The following DIP2C variants were observed in gnomAD, a reference collection of about 807,000 sequenced individuals.
DIP2C encodes the protein DIP2 acetate--CoA ligase C (putative).
DIP2C carries 33 observed loss-of-function variants against 192.4 expected under a neutral mutation model. The observed-to-expected ratio is 0.17, with a 90% CI of 0.13 to 0.23. The LOEUF (loss-of-function observed/expected upper bound fraction) is 0.23. DIP2C is among the 10% of genes least tolerant of loss of function. The pLI is 1.00. For synonymous variants in DIP2C, 979 were observed against 864.1 expected (o/e 1.13, Z -2.33); for missense variants, 1,537 against 2,110.1 (o/e 0.73, Z 5.32).
intron 1 of DIP2C, among the ~76,000 whole-genome samples, chr10:681,877 C>T (rs183052680): frequency 2.0e-5 from 3 of 152,346 alleles, no homozygotes; most frequent in Non-Finnish European, 2.9e-5. Flanking sequence ...GGTCCCTGTT[C>T]GGCAACTGTG....
Position 297,232 on chromosome 10 carries a change from C to A in DIP2C, c.3987-8811G>T, listed in dbSNP as rs868154845. Reference sequence around the variant, plus strand: ...CAAAACAAAACCAACCCCCCCCCACCCCACCACATACACACACACACACAC... The same window carrying A: ...CAAAACAAAACCAACCCCCCCCCACACCACCACATACACACACACACACAC... On this transcript the variant is annotated intron_variant, in intron 32 of 36. Transcript: ENST00000280886. Among the ~76,000 whole-genome samples the A allele has an allele frequency of 9.8e-5, 10 of 102,438 alleles. No homozygotes were observed. The East Asian group carries it at 2.6e-3, about 27-fold the overall frequency. The allele number at this position is 102,438 out of a possible 152,430, so 67.2% of individuals were successfully genotyped here. A position where few individuals can be genotyped will look rare whatever the true frequency, so the allele number is the denominator to read the frequency against.
chr10:498,450 GGAGATGCTT>G (rs1349029443), intron 1 of DIP2C, among the ~76,000 whole-genome samples: 2 of 152,176 alleles, frequency 1.3e-5, no homozygotes, highest in East Asian at 3.9e-4. Context: ...AGGCGCCAGT[GGAGATGCTT>G]GCCTCCCCTC....
At chr10:320,158 C>T (rs1232947402) in intron 31 of DIP2C, among the ~76,000 whole-genome samples, 1 of 152,058 alleles carries the variant, frequency 6.6e-6, no homozygotes, top group Admixed American at 6.6e-5. Flanking sequence ...TTCATCATGC[C>T]AAGTCATTTT....
At chr10:460,603 G>A (rs1969691724) in intron 3 of DIP2C, among the ~76,000 whole-genome samples, 4 of 152,130 alleles carry the variant, frequency 2.6e-5, no homozygotes, top group Admixed American at 2.0e-4. Context: ...TCATTGATGG[G>A]GAGAATGGAA....
intron 1 of DIP2C, among the ~76,000 whole-genome samples, chr10:498,505 G>C (rs1845012735): frequency 6.6e-6 from 1 of 152,212 alleles, no homozygotes; most frequent in Admixed American, 6.5e-5. Context: ...AGGACGTGTA[G>C]AACACAGCGC....
intron 28 of DIP2C, among the ~76,000 whole-genome samples, chr10:343,882 C>T (rs1485912874): frequency 6.6e-6 from 1 of 152,162 alleles, no homozygotes; most frequent in African/African-American, 2.4e-5. Context: ...ACAGCCCTGC[C>T]CTCAGGATCC....
chr10:472,593 A>C, intron 2 of DIP2C, 44 bp from the exon 3 acceptor site: 1 of 1,508,012 alleles, frequency 6.6e-7, no homozygotes, highest in East Asian at 2.3e-5. Context: ...GACTGTACTC[A>C]GCGGAGTCAG....
At chr10:564,769 C>T (rs1365308967) in intron 1 of DIP2C, among the ~76,000 whole-genome samples, 1 of 152,176 alleles carries the variant, frequency 6.6e-6, no homozygotes, top group African/African-American at 2.4e-5. Context: ...CTCGGCCGAA[C>T]ACACCAGCCA....
chr10:597,530 G>A (rs1479620792), intron 1 of DIP2C, among the ~76,000 whole-genome samples: 2 of 152,188 alleles, frequency 1.3e-5, no homozygotes, highest in African/African-American at 4.8e-5. Flanking sequence ...CCGAGGACAC[G>A]CTGGGCAGCA....
intron 4 of DIP2C, among the ~76,000 whole-genome samples, chr10:432,864 TAAAG>T (rs1436576875): frequency 6.6e-6 from 1 of 152,226 alleles, no homozygotes; most frequent in East Asian, 1.9e-4. Context: ...TTCAAAACTT[TAAAG>T]AAATCTTCAG....
intron 13 of DIP2C, among the ~76,000 whole-genome samples, chr10:388,655 A>T (rs1963183197): frequency 6.6e-6 from 1 of 152,228 alleles, no homozygotes; most frequent in Non-Finnish European, 1.5e-5. Flanking sequence ...CCAGGTGTGA[A>T]AACTCCATGG....
chr10:418,997 G>A lies in DIP2C; in HGVS notation c.739+68C>T, dbSNP rs149874517. The A allele has an allele frequency of 5.4e-5, 86 of 1,599,806 alleles. No homozygotes were observed. The African/African-American group carries it at 1.1e-3, about 20-fold the overall frequency. ...CCCAGGAAGAAACACATCCAGTCAT[G>A]GGCACGGAACGGGACGTCAGCACAA... On this transcript the variant is annotated intron_variant, in intron 6 of 36. Coordinates refer to ENST00000280886, the MANE Select transcript of DIP2C (RefSeq NM_014974.3).
chr10:614,161 C>T (rs953298654), intron 1 of DIP2C, among the ~76,000 whole-genome samples: 2 of 152,228 alleles, frequency 1.3e-5, no homozygotes, highest in Non-Finnish European at 2.9e-5. Flanking sequence ...TGTCAGGTTC[C>T]ACCTAAAAGG....
chr10:562,040 G>A (rs11253206), intron 1 of DIP2C, among the ~76,000 whole-genome samples: 41,575 of 152,216 alleles, frequency 0.27, 7,158 homozygotes, highest in Non-Finnish European at 0.39. Flanking sequence ...CGGACGTTCC[G>A]AAGGATGCAT....
At chr10:353,487 C>T (rs1264523508) in intron 24 of DIP2C, among the ~76,000 whole-genome samples, 1 of 151,866 alleles carries the variant, frequency 6.6e-6, no homozygotes, top group African/African-American at 2.4e-5. Context: ...TTCCCGGGTT[C>T]AAGCGACTCT....
intron 2 of DIP2C, among the ~76,000 whole-genome samples, chr10:476,626 C>T (rs976528410): frequency 5.9e-5 from 9 of 152,194 alleles, no homozygotes; most frequent in African/African-American, 2.2e-4. Flanking sequence ...CCGTGACTGC[C>T]TTTTCATTTG....
At position 283,890 on chromosome 10, in the gene DIP2C, A is replaced by C. The variant is rs530563877; in HGVS notation, c.4120-444T>G. Among the ~76,000 whole-genome samples, 4 of 152,366 alleles carry C rather than the reference A, an allele frequency of 2.6e-5. No individual in the cohort carries two copies. The South Asian group carries it at 6.2e-4, about 24-fold the overall frequency. On this transcript the variant is annotated intron_variant, in intron 34 of 36. Coordinates refer to ENST00000280886, the MANE Select transcript of DIP2C (RefSeq NM_014974.3). The stretch of plus-strand genomic sequence containing the variant: ...TTTGGACATATATTGCAATAAAACA[A>C]CACACAGAAAAACAAAACCTAAGGG...
intron 22 of DIP2C, among the ~76,000 whole-genome samples, chr10:359,326 C>CT (rs1959201572): frequency 6.6e-6 from 1 of 152,214 alleles, no homozygotes; most frequent in African/African-American, 2.4e-5. Flanking sequence ...AACGATTCCA[C>CT]TTATCACAGC....
intron 10 of DIP2C, among the ~76,000 whole-genome samples, chr10:396,967 G>A (rs1420944878): frequency 6.6e-6 from 1 of 152,144 alleles, no homozygotes; most frequent in Non-Finnish European, 1.5e-5. Flanking sequence ...TTGTACATAG[G>A]AAATGAAAAT....
Sources: allele counts gnomAD v4.1 joint callset (sites outside exome capture counted in the v4.1 genomes callset), GRCh38; gene constraint gnomAD v4.1.1; transcripts MANE v1.5; gene names NCBI Gene and HGNC (gene_info 2026-07-23, HGNC 2026-07-21).